TUT7: variants seen among roughly 807,000 people sequenced by gnomAD.
TUT7 encodes terminal uridylyl transferase 7, also known as terminal uridylyltransferase 7.
A neutral mutation model predicts 165.9 loss-of-function variants in TUT7; 33 were observed. The ratio of observed to expected loss-of-function variants is 0.20; its 90% CI spans 0.15 to 0.27. The LOEUF (loss-of-function observed/expected upper bound fraction) is 0.27. Among genes scored for constraint, TUT7 ranks in the 10% least tolerant of loss-of-function variants. TUT7 has a pLI of 1.00. For missense variants in TUT7, 1,338 were observed against 1,762.3 expected (o/e 0.76, Z 4.31); for synonymous variants, 552 against 608.1 (o/e 0.91, Z 1.36).
chr9:86,337,665 A>C (rs921510404), intron 9 of TUT7, 127 bp from the exon 10 acceptor site: 1 of 1,158,550 alleles, frequency 8.6e-7, no homozygotes, highest in African/African-American at 1.6e-5. Flanking sequence ...TCAGCTGAAA[A>C]TAGCAGTTAC....
In TUT7 at chr9:86,352,980, T is replaced by C. The variant is rs1162512699; in HGVS notation, c.220A>G (p.Ser74Gly). 1 of 1,614,240 alleles carries C rather than the reference T, an allele frequency of 6.2e-7. No individual in the cohort carries two copies. The highest frequency in any genetic ancestry group is 1.7e-5 in the Admixed American group (1 of 60,032). The change falls in exon 2 of 27, where the codon AGC (serine) becomes GGC (glycine). Residue 74 changes from serine to glycine, a missense_variant. This residue lies in a region of TUT7 where 434 missense variants were observed against 480.8 expected (regional missense o/e 0.90). Transcript: ENST00000375963. ...TPRKGPCAVS[S>G]NPYAFKNPIY... The stretch of plus-strand genomic sequence containing the variant: ...GGGTTTTTAAATGCATATGGATTGC[T>C]GGAAACAGCACATGGTCCTTTTCTG...
At chr9:86,303,000 T>C in intron 25 of TUT7, 86 bp downstream of exon 25, 3 of 610,128 alleles carry the variant, frequency 4.9e-6, no homozygotes, top group Non-Finnish European at 8.7e-6. Context: ...CACAAGTGTA[T>C]TTTCTTTGTT....
intron 12 of TUT7, 120 bp downstream of exon 12, chr9:86,325,214 T>G: frequency 1.1e-6 from 1 of 893,026 alleles, no homozygotes; most frequent in Non-Finnish European, 1.7e-6. Flanking sequence ...TTATTTCCCT[T>G]TGAGGGCAGG....
chr9:86,293,532 G>C (rs757460281), intron 26 of TUT7, among the ~76,000 whole-genome samples: 20 of 152,124 alleles, frequency 1.3e-4, no homozygotes, highest in Admixed American at 3.3e-4. Context: ...AGGAATTCAA[G>C]CAGGTGTAAA....
chr9:86,293,198 A>T (rs1472884042), intron 26 of TUT7, among the ~76,000 whole-genome samples: 1 of 152,198 alleles, frequency 6.6e-6, no homozygotes, highest in African/African-American at 2.4e-5. Context: ...TCATGCCTGT[A>T]ATCCCAACAC....
At position 86,352,603 on chromosome 9, in the gene TUT7, A is replaced by G. The variant is rs41283667; in HGVS notation, c.520+77T>C. 3.7e-3 allele frequency: 5,778 copies of G among 1,556,794 alleles called. 14 individuals carry two copies. The highest frequency in any genetic ancestry group is 4.7e-3 in the Middle Eastern group (28 of 5,946). On this transcript the variant is annotated intron_variant, in intron 2 of 26. Transcript: ENST00000375963. ...AACTGAAACTAAATTGCTGAAAATAACAAAACTCATTTGGATGAAAAAGAA... is the reference window on the plus strand; with the variant it reads ...AACTGAAACTAAATTGCTGAAAATAGCAAAACTCATTTGGATGAAAAAGAA...
Position 86,288,653 on chromosome 9 carries a change from T to C in TUT7, c.*24A>G. On this transcript the variant is annotated 3_prime_UTR_variant, in exon 27 of 27. Coordinates refer to ENST00000375963, the MANE Select transcript of TUT7 (RefSeq NM_024617.4). ...TGAATAGGAACGCCTGAGTGGCCAT[T>C]TAGAGTGCTGCATTTTCCTTCCCTC... 6.2e-7 allele frequency: 1 copy of C among 1,607,394 alleles called. No individual in the cohort carries two copies. Among genetic ancestry groups the C allele is most frequent in the East Asian group, 2.2e-5 (1 of 44,806 alleles).
At chr9:86,339,379 G>A (rs1035495511) in intron 8 of TUT7, among the ~76,000 whole-genome samples, 12 of 152,086 alleles carry the variant, frequency 7.9e-5, no homozygotes, top group African/African-American at 1.2e-4. Context: ...TTAGCCAGGC[G>A]TGGTGGTGGG....
At chr9:86,322,599 A>T in intron 13 of TUT7, 124 bp from the exon 14 acceptor site, 1 of 1,212,760 alleles carries the variant, frequency 8.2e-7, no homozygotes, top group Non-Finnish European at 1.1e-6. Context: ...AAAATATAAC[A>T]TGCATCCACT....
rs1392544649 is a variant in TUT7, at chr9:86,311,108, C to A, written c.3275-299G>T. Among the ~76,000 whole-genome samples, 1 of 152,204 alleles carries A rather than the reference C, an allele frequency of 6.6e-6. No individual in the cohort carries two copies. The highest frequency in any genetic ancestry group is 2.1e-4 in the South Asian group (1 of 4,836). On this transcript the variant is annotated intron_variant, in intron 17 of 26. Coordinates refer to ENST00000375963, the MANE Select transcript of TUT7 (RefSeq NM_024617.4). The surrounding 1 kb of genome is among the most constrained non-coding windows in gnomAD (Gnocchi z 4.4). ...CATGTGTGTATATGCATGTGTATGTCGTTGTCACTAAGACAAATACCAAAC... is the reference window on the plus strand; with the variant it reads ...CATGTGTGTATATGCATGTGTATGTAGTTGTCACTAAGACAAATACCAAAC...
chr9:86,335,736 G>T (rs571852850), intron 10 of TUT7, among the ~76,000 whole-genome samples: 1 of 152,302 alleles, frequency 6.6e-6, no homozygotes, highest in South Asian at 2.1e-4. Context: ...TACTTAGTAA[G>T]TATTAGTTCC....
At chr9:86,315,156 G>A (rs188972860) in intron 17 of TUT7, among the ~76,000 whole-genome samples, 1 of 152,316 alleles carries the variant, frequency 6.6e-6, no homozygotes, top group African/African-American at 2.4e-5. Flanking sequence ...CCAACACAGT[G>A]CTGTGCACAT....
intron 26 of TUT7, among the ~76,000 whole-genome samples, chr9:86,289,031 C>T (rs1246282172): frequency 2.6e-5 from 4 of 152,116 alleles, no homozygotes; most frequent in African/African-American, 7.2e-5. Flanking sequence ...GAGCACCAGA[C>T]GAACTTAAGG....
chr9:86,336,401 G>T (rs1041852951), intron 10 of TUT7, among the ~76,000 whole-genome samples: 48 of 152,126 alleles, frequency 3.2e-4, no homozygotes, highest in African/African-American at 1.1e-3. Context: ...GGCACGAAGA[G>T]AACTACCTTT....
chr9:86,331,450 G>A (rs111721325), intron 10 of TUT7, among the ~76,000 whole-genome samples: 2,184 of 152,272 alleles, frequency 0.014, 24 homozygotes, highest in Non-Finnish European at 0.021. Context: ...GATGAAGGCT[G>A]TTAAAATCTC....
Position 86,352,777 on chromosome 9 carries a change from C to G in TUT7, c.423G>C (p.Arg141Ser). 1 of 1,614,172 alleles carries G rather than the reference C, an allele frequency of 6.2e-7. No homozygotes were observed. Among genetic ancestry groups the G allele is most frequent in the South Asian group, 1.1e-5 (1 of 91,078 alleles). ...TTCTGCAGCCTCTTGTGTCTTGCCA[C>G]CTATAACCATCTTCATTTTCTTGAA... The part of the protein sequence containing the change: ...DSFQENEDGY[R>S]WQDTRGCRTV... Residue 141 changes from arginine (R) to serine (S), a missense_variant, in exon 2 of 27, where the codon AGG becomes AGC. By Grantham distance (110) the Arg-to-Ser change is moderately radical (BLOSUM62 -1). Transcript: ENST00000375963.
At chr9:86,315,531 T>C (rs796502054) in intron 17 of TUT7, among the ~76,000 whole-genome samples, 3 of 152,338 alleles carry the variant, frequency 2.0e-5, no homozygotes, top group African/African-American at 7.2e-5. Flanking sequence ...TTTGCTGCTT[T>C]CCTTTAAATG....
intron 26 of TUT7, among the ~76,000 whole-genome samples, chr9:86,294,567 T>C (rs1826147082): frequency 7.9e-6 from 1 of 127,180 alleles, no homozygotes; most frequent in African/African-American, 3.3e-5. Flanking sequence ...TATTGGGGTT[T>C]TTCCATTTTT....
Position 86,311,700 on chromosome 9 carries a change from G to A in TUT7, c.3275-891C>T, listed in dbSNP as rs942114420. ...AGCTGGACTGTACCGCTGCCATCTCGGCTCACTGCAACCTCCCTGCCTGAT... is the reference window on the plus strand; with the variant it reads ...AGCTGGACTGTACCGCTGCCATCTCAGCTCACTGCAACCTCCCTGCCTGAT... On this transcript the variant is annotated intron_variant, in intron 17 of 26. Transcript: ENST00000375963. This position sits in a 1 kb window ranked among gnomAD's most constrained non-coding sequence, Gnocchi z 4.4. Among the ~76,000 whole-genome samples the A allele has an allele frequency of 3.4e-5, 5 of 147,100 alleles. No homozygotes were observed. The highest frequency in any genetic ancestry group is 7.7e-5 in the African/African-American group (3 of 38,808).
Sources: allele counts gnomAD v4.1 joint callset (sites outside exome capture counted in the v4.1 genomes callset), GRCh38; gene constraint gnomAD v4.1.1; regional missense constraint gnomAD v4.1.1; non-coding constraint Gnocchi (gnomAD v3.1); transcripts MANE v1.5; gene names NCBI Gene and HGNC (gene_info 2026-07-23, HGNC 2026-07-21).